Variants in BIN2 observed in about 807,000 individuals in gnomAD.
BIN2 encodes bridging integrator 2.
BIN2 carries 43 observed loss-of-function variants against 67.9 expected under a neutral mutation model. The ratio of observed to expected loss-of-function variants is 0.63; its 90% CI spans 0.50 to 0.82. The LOEUF (loss-of-function observed/expected upper bound fraction) is 0.82, where lower values mean the gene tolerates loss of function less well. BIN2 is among the 40% of genes least tolerant of loss of function. BIN2 has a pLI of 0.00. For missense variants in BIN2, 581 were observed against 671.6 expected, an observed-to-expected ratio of 0.87 and a Z score of 1.49; for synonymous variants, 244 against 246.8, an observed-to-expected ratio of 0.99 and a Z score of 0.11.
rs796338019 is a variant in BIN2, at chr12:51,320,969, ACT to A, written c.81+3051_81+3052del. ...CACACACACAAACACACACACACAC[ACT>A]CTAAAGCCAGCTTAAATTCAGTCCC... On this transcript the variant is annotated intron_variant, in intron 1 of 12. Coordinates refer to ENST00000615107, the MANE Select transcript of BIN2 (RefSeq NM_016293.4). 3.2e-4 allele frequency among the ~76,000 whole-genome samples: 49 copies of A among 151,436 alleles called. 1 individual carries two copies. The highest frequency in any genetic ancestry group is 5.0e-4 in the Non-Finnish European group (34 of 67,758).
chr12:51,307,701 A>T (rs958310533), intron 2 of BIN2, among the ~76,000 whole-genome samples: 2 of 150,596 alleles, frequency 1.3e-5, no homozygotes, highest in Non-Finnish European at 3.0e-5. Flanking sequence ...CAAGAGAGAA[A>T]CTCCGTCTCA....
Position 51,302,677 on chromosome 12 carries a change from C to G in BIN2, c.312+9G>C, listed in dbSNP as rs776792088. ...TGCCAATAAGTTGTAAAACTCAAGC[C>G]ACTCTTACCCATACGATGGCCTTCA... On this transcript the variant is annotated intron_variant, in intron 4 of 12. Coordinates refer to ENST00000615107, the MANE Select transcript of BIN2 (RefSeq NM_016293.4). The G allele has an allele frequency of 6.2e-7, 1 of 1,608,672 alleles. No individual in the cohort carries two copies. The highest frequency in any genetic ancestry group is 1.7e-5 in the Admixed American group (1 of 59,918).
chr12:51,295,172 T>C (rs1259798019), intron 9 of BIN2, among the ~76,000 whole-genome samples: 1 of 152,016 alleles, frequency 6.6e-6, no homozygotes, highest in Non-Finnish European at 1.5e-5. Flanking sequence ...TTCAAACTCC[T>C]GATCTCAAGT....
At chr12:51,295,214 G>A (rs1248668590) in intron 9 of BIN2, among the ~76,000 whole-genome samples, 1 of 145,382 alleles carries the variant, frequency 6.9e-6, no homozygotes, top group East Asian at 2.0e-4. Context: ...CAAAGTACTG[G>A]GATTATAGGC....
chr12:51,295,607 T>A (rs1421028149), intron 9 of BIN2, among the ~76,000 whole-genome samples, 189 bp downstream of exon 9: 2,142 of 43,922 alleles, frequency 0.049, 260 homozygotes, highest in East Asian at 0.25. Context: ...TATATATATA[T>A]ATATATATAT....
At chr12:51,299,521 C>A in intron 6 of BIN2, 86 bp downstream of exon 6, 1 of 1,241,548 alleles carries the variant, frequency 8.1e-7, no homozygotes, top group South Asian at 1.2e-5. Flanking sequence ...TTTCCTATAC[C>A]CATGTTGGCC....
intron 9 of BIN2, among the ~76,000 whole-genome samples, chr12:51,295,324 G>A (rs568688606): frequency 4.9e-4 from 74 of 150,002 alleles, no homozygotes; most frequent in Middle Eastern, 6.9e-3. Context: ...CGAGGCGGGC[G>A]GATCACGAGG....
chr12:51,322,494 C>A (rs1350121121), intron 1 of BIN2: 3 of 152,500 alleles, frequency 2.0e-5, no homozygotes, highest in African/African-American at 7.2e-5. Context: ...TGGGCTCAAG[C>A]AGTCCTCCCA....
intron 2 of BIN2, among the ~76,000 whole-genome samples, chr12:51,313,216 A>AAGGC (rs1555172214): frequency 1.5e-3 from 140 of 91,704 alleles, no homozygotes; most frequent in Admixed American, 7.7e-4. Flanking sequence ...GGAAGGAAGG[A>AAGGC]AGGAAGGCAG....
At chr12:51,324,313 C>T (rs1565696083), upstream of BIN2, 3 of 1,360,492 alleles carry the variant, frequency 2.2e-6, no homozygotes, top group Non-Finnish European at 2.9e-6. Context: ...CCGGGGCCTA[C>T]CCTCAGGCAG....
intron 4 of BIN2, 122 bp from the exon 5 acceptor site, chr12:51,302,237 T>C (rs1052123503): frequency 1.5e-6 from 1 of 668,844 alleles, no homozygotes; most frequent in South Asian, 1.8e-5. Context: ...GAATACCATG[T>C]TGGATTCTGG....
At chr12:51,294,016 C>T (rs1365534070) in intron 9 of BIN2, among the ~76,000 whole-genome samples, 1 of 152,138 alleles carries the variant, frequency 6.6e-6, no homozygotes, top group Non-Finnish European at 1.5e-5. Context: ...TGATAATATT[C>T]ACAGGGACAA....
At chr12:51,297,241 A>T in intron 7 of BIN2, 77 bp from the exon 8 acceptor site, 1 of 1,438,298 alleles carries the variant, frequency 7.0e-7, no homozygotes, top group Non-Finnish European at 9.7e-7. Context: ...ACAAAGTAGG[A>T]CTTAAGCCAA....
chr12:51,309,316 G>A (rs1945939605), intron 2 of BIN2, among the ~76,000 whole-genome samples: 1 of 152,124 alleles, frequency 6.6e-6, no homozygotes, highest in Admixed American at 6.6e-5. Flanking sequence ...TGCCACCCCA[G>A]GTCCCCAGGT....
chr12:51,302,865 A>G (rs1945766310), intron 3 of BIN2, 85 bp from the exon 4 acceptor site: 1 of 1,283,020 alleles, frequency 7.8e-7, no homozygotes, highest in Non-Finnish European at 1.1e-6. Context: ...AGTGGTTCCA[A>G]TTCAGAAGGA....
At chr12:51,309,129 C>A (rs1456700164) in intron 2 of BIN2, among the ~76,000 whole-genome samples, 1 of 151,950 alleles carries the variant, frequency 6.6e-6, no homozygotes, top group African/African-American at 2.4e-5. Context: ...CATGACCAAC[C>A]CGTTCAACTT....
intron 2 of BIN2, among the ~76,000 whole-genome samples, chr12:51,307,985 C>T (rs11169800): frequency 1.3e-5 from 2 of 151,806 alleles, no homozygotes; most frequent in Admixed American, 6.6e-5. Flanking sequence ...CTTTCTTTTG[C>T]GAAGATGAAG....
chr12:51,299,607 C>T lies in BIN2; in HGVS notation c.516G>A (p.Lys172=). 5 of 1,613,594 alleles carry T rather than the reference C, an allele frequency of 3.1e-6. No homozygotes were observed. Among genetic ancestry groups the T allele is most frequent in the Non-Finnish European group, 4.2e-6 (5 of 1,179,718 alleles). ...GTTTTTGTTGTTGTTTTTGTTTTAC[C>T]TTGGCAGTCTTGGCCTCATCTTTCT... is the stretch of plus-strand genomic sequence containing the variant. ...AKKKDEAKTA[K]AEEEFNKAQT... The change falls in exon 6 of 13, where the codon AAG becomes AAA. Residue 172 remains lysine (K), a splice_region_variant and synonymous_variant. Transcript: ENST00000615107.
intron 2 of BIN2, among the ~76,000 whole-genome samples, chr12:51,303,430 C>T (rs1945785258): frequency 6.6e-6 from 1 of 152,190 alleles, no homozygotes; most frequent in African/African-American, 2.4e-5. Context: ...TAAGTGTTCT[C>T]CATGTAACAC....
Sources: allele counts gnomAD v4.1 joint callset (sites outside exome capture counted in the v4.1 genomes callset), GRCh38; gene constraint gnomAD v4.1.1; transcripts MANE v1.5; gene names NCBI Gene and HGNC (gene_info 2026-07-23, HGNC 2026-07-21).